FLT4: variants seen among roughly 807,000 people sequenced by gnomAD.
FLT4 encodes the protein fms related receptor tyrosine kinase 4, also known as vascular endothelial growth factor receptor 3.
FLT4 carries 30 observed loss-of-function variants against 163.2 expected under a neutral mutation model. The observed-to-expected ratio is 0.18, with a 90% confidence interval of 0.14 to 0.25. FLT4 has a LOEUF of 0.25. Among genes scored for constraint, FLT4 ranks in the 10% least tolerant of loss-of-function variants. The pLI, the probability that FLT4 is intolerant of heterozygous loss-of-function variation, is 1.00. For synonymous variants in FLT4, 884 were observed against 789.5 expected (o/e 1.12, Z -2.01); for missense variants, 1,510 against 1,863.8 (o/e 0.81, Z 3.50).
chr5:180,641,927 G>A (rs938618557), intron 1 of FLT4, among the ~76,000 whole-genome samples: 3 of 152,156 alleles, frequency 2.0e-5, no homozygotes, highest in Admixed American at 6.5e-5. Context: ...ATAAACTGTC[G>A]GCTGGGCACA....
rs1013685474 is a variant in FLT4 at position 180,623,139 on chromosome 5, G to A, written c.1549-300C>T. Among the ~76,000 whole-genome samples, 5 of 152,190 alleles carry A rather than the reference G, an allele frequency of 3.3e-5. No individual in the cohort carries two copies. The highest frequency in any genetic ancestry group is 2.1e-4 in the South Asian group (1 of 4,824). On this transcript the variant is annotated intron_variant, in intron 11 of 29. Coordinates refer to ENST00000261937, the MANE Select transcript of FLT4 (RefSeq NM_182925.5). The surrounding 1 kb of genome is among the most constrained non-coding windows in gnomAD (Gnocchi z 5.8). Reference sequence around the variant, plus strand: ...GGCAGGACCAGAGAGACCTCTGGCCGTGGCTATGTTGAGGGGGCACCAGCG... The same window carrying A: ...GGCAGGACCAGAGAGACCTCTGGCCATGGCTATGTTGAGGGGGCACCAGCG...
At chr5:180,622,446 G>A (rs903638162) in intron 12 of FLT4, among the ~76,000 whole-genome samples, 1 of 152,200 alleles carries the variant, frequency 6.6e-6, no homozygotes, top group African/African-American at 2.4e-5. Context: ...TCAGGGCTTG[G>A]GAAGGGGAGG....
intron 25 of FLT4, 49 bp downstream of exon 25, chr5:180,612,962 C>T: frequency 6.9e-7 from 1 of 1,439,882 alleles, no homozygotes; most frequent in Non-Finnish European, 9.7e-7. Context: ...ACCCCCACGC[C>T]CCCGACGCTT....
At chr5:180,649,038 T>C (rs1157687877) in intron 1 of FLT4, among the ~76,000 whole-genome samples, 1 of 152,052 alleles carries the variant, frequency 6.6e-6, no homozygotes, top group African/African-American at 2.4e-5. Context: ...GCGGAGGCGC[T>C]GGGCGTCGGG....
rs2127827441 is a variant in FLT4, at chr5:180,626,027, G to A, written c.1263C>T (p.Pro421=). 11 of 1,612,672 alleles carry A rather than the reference G, an allele frequency of 6.8e-6. No homozygotes were observed. Among genetic ancestry groups the A allele is most frequent in the Non-Finnish European group, 9.3e-6 (11 of 1,179,960 alleles). The part of the protein sequence containing the change: ...NISLELVVNV[P]PQIHEKEASS... ...AGGCCTCCTTCTCATGTATCTGGGG[G>A]GGCACTGTGGGCACACAGATGGCCG... The change falls in exon 10 of 30, where the codon CCC becomes CCT. Residue 421 remains proline, a synonymous_variant. Transcript: ENST00000261937.
intron 2 of FLT4, 148 bp downstream of exon 2, chr5:180,631,534 C>T (rs1365782573): frequency 2.8e-6 from 2 of 704,766 alleles, no homozygotes; most frequent in Non-Finnish European, 5.2e-6. Flanking sequence ...ACCGAAGTCA[C>T]CCACAGCCTG....
intron 1 of FLT4, among the ~76,000 whole-genome samples, chr5:180,647,851 G>C (rs1304390283): frequency 6.6e-6 from 1 of 152,068 alleles, no homozygotes; most frequent in African/African-American, 2.4e-5. Flanking sequence ...CTTACTGCAG[G>C]GAATAGCTTC....
Position 180,623,255 on chromosome 5 carries a change from C to T in FLT4, c.1549-416G>A, listed in dbSNP as rs536653309. 6.6e-6 allele frequency among the ~76,000 whole-genome samples: 1 copy of T among 152,282 alleles called. No homozygotes were observed. Among genetic ancestry groups the T allele is most frequent in the South Asian group, 2.1e-4 (1 of 4,822 alleles). On this transcript the variant is annotated intron_variant, in intron 11 of 29. Transcript: ENST00000261937. The surrounding 1 kb of genome is among the most constrained non-coding windows in gnomAD (Gnocchi z 5.8). ...TCAGGCCCAATCCAGTCGCTGCTTG[C>T]TGAGATCCTCGTGAGATGGCCTCCT...
At position 180,602,215 on chromosome 5, in the gene FLT4, C is replaced by G. The variant is rs1761552232; in HGVS notation, c.*977G>C. On this transcript the variant is annotated 3_prime_UTR_variant, in exon 30 of 30. Coordinates refer to ENST00000261937, the MANE Select transcript of FLT4 (RefSeq NM_182925.5). ...GCCCCGAGCCTTCCTGAGTGGATCC[C>G]ACAGTGTTCATCTCTCATGAGCTGG... 1 of 238,014 alleles carries G rather than the reference C, an allele frequency of 4.2e-6. No homozygotes were observed. 14.7% of individuals were successfully genotyped at this position (238,014 alleles called of 1,614,324 possible).
At chr5:180,621,986 G>C (rs555031641) in intron 12 of FLT4, 82 bp from the exon 13 acceptor site, 18 of 1,301,064 alleles carry the variant, frequency 1.4e-5, no homozygotes, top group African/African-American at 5.8e-5. Context: ...GTCTCCTCCT[G>C]CCTCCCTCCC....
At chr5:180,616,849 T>C (rs565370442) in intron 22 of FLT4, 51 bp downstream of exon 22, 1 of 1,403,732 alleles carries the variant, frequency 7.1e-7, no homozygotes, top group Non-Finnish European at 1.0e-6. Flanking sequence ...TCTTGGCGAC[T>C]GGTGGGGATG....
chr5:180,612,808 G>C (rs534074049), intron 25 of FLT4, among the ~76,000 whole-genome samples, 197 bp from the exon 26 acceptor site: 11 of 151,986 alleles, frequency 7.2e-5, no homozygotes, highest in Non-Finnish European at 1.5e-4. Context: ...CTGAACACTC[G>C]GCTCTGTTCC....
Position 180,611,338 on chromosome 5 carries a change from C to G in FLT4, c.3679G>C (p.Ala1227Pro), listed in dbSNP as rs755474389. ...SPPSLQRHSLAARYYNWVSFP... is the reference protein window; with the variant it reads ...SPPSLQRHSLPARYYNWVSFP... ...ACCTGCAGGACAGCTGACCTGGCGGCCAGGCTGTGGCGCTGCAGGCTTGGC... is the reference window on the plus strand; with the variant it reads ...ACCTGCAGGACAGCTGACCTGGCGGGCAGGCTGTGGCGCTGCAGGCTTGGC... The change falls in exon 27 of 30, where the codon GCC becomes CCC. Residue 1227 changes from alanine to proline, a missense_variant. Ala to Pro is a conservative substitution (Grantham distance 27). Transcript: ENST00000261937. The G allele has an allele frequency of 6.2e-7, 1 of 1,613,914 alleles. No homozygotes were observed. Among genetic ancestry groups the G allele is most frequent in the Non-Finnish European group, 8.5e-7 (1 of 1,179,978 alleles).
rs562745219 is a variant in FLT4 at position 180,620,429 on chromosome 5, G to T, written c.2407-121C>A. On this transcript the variant is annotated intron_variant, in intron 16 of 29. Coordinates refer to ENST00000261937, the MANE Select transcript of FLT4 (RefSeq NM_182925.5). This position sits in a 1 kb window ranked among gnomAD's most constrained non-coding sequence, Gnocchi z 4.4. ...CTGCGGGGTTCTCAGTCAAGGAGGG[G>T]ACAGAAAAAAAGACAGACAACCTCT... The T allele has an allele frequency of 5.1e-6, 7 of 1,385,118 alleles. No individual in the cohort carries two copies. The African/African-American group carries it at 1.0e-4, about 20-fold the overall frequency. The allele number at this position is 1,385,118 out of a possible 1,614,324, so 85.8% of individuals were successfully genotyped here.
intron 29 of FLT4, among the ~76,000 whole-genome samples, chr5:180,606,753 G>C (rs1581603212): frequency 6.6e-6 from 1 of 152,160 alleles, no homozygotes; most frequent in South Asian, 2.1e-4. Flanking sequence ...TCCAAAACCA[G>C]GTACTAACAG....
chr5:180,619,624 C>G (rs375082877), intron 18 of FLT4, 41 bp downstream of exon 18: 1 of 1,497,054 alleles, frequency 6.7e-7, no homozygotes, highest in Non-Finnish European at 9.3e-7. Flanking sequence ...GCTGCTGCTC[C>G]TCACCAGCTA....
intron 27 of FLT4, 74 bp downstream of exon 27, chr5:180,611,257 A>T: frequency 6.4e-7 from 1 of 1,552,954 alleles, no homozygotes; most frequent in Non-Finnish European, 8.8e-7. Flanking sequence ...TTCCCCGATG[A>T]CGCAGAGGGA....
Position 180,642,336 on chromosome 5 carries a change from T to C in FLT4, c.58+7152A>G, listed in dbSNP as rs1401045266. ...GTGACCCTGTGTTGTCGTCAGAGCA[T>C]GGGGGCCTCGCTGGTGGGAGAGGAT... On this transcript the variant is annotated intron_variant, in intron 1 of 29. Transcript: ENST00000261937. Among the ~76,000 whole-genome samples, 5 of 152,048 alleles carry C rather than the reference T, an allele frequency of 3.3e-5. 1 individual carries two copies. The highest frequency in any genetic ancestry group is 2.1e-4 in the South Asian group (1 of 4,802).
At chr5:180,627,693 G>A (rs1175837558) in intron 8 of FLT4, among the ~76,000 whole-genome samples, 1 of 152,208 alleles carries the variant, frequency 6.6e-6, no homozygotes, top group East Asian at 1.9e-4. Flanking sequence ...GCTGTTCTGA[G>A]AGGCAGCTGC....
Sources: gnomAD v4.1 joint callset for allele counts (sites outside exome capture counted in the v4.1 genomes callset) on GRCh38, gnomAD v4.1.1 for gene constraint, Gnocchi (gnomAD v3.1) non-coding constraint, MANE v1.5 for transcripts, NCBI Gene and HGNC (gene_info 2026-07-23, HGNC 2026-07-21) for gene names.